Variants in TTC27 observed in about 807,000 individuals in gnomAD.
TTC27 encodes the protein tetratricopeptide repeat protein 27.
In TTC27, 79 loss-of-function variants were observed where a neutral mutation model predicts 115.9. The observed-to-expected ratio is 0.68, with a 90% CI of 0.57 to 0.82. The LOEUF is 0.82. TTC27 is among the 40% of genes least tolerant of loss of function. TTC27 has a pLI of 0.00. For missense variants in TTC27, 1,054 were observed against 993.1 expected (o/e 1.06, Z -0.82); for synonymous variants, 401 against 356.0 (o/e 1.13, Z -1.42).
intron 12 of TTC27, among the ~76,000 whole-genome samples, chr2:32,756,536 C>G (rs1669238497): frequency 2.0e-5 from 3 of 152,174 alleles, no homozygotes; most frequent in African/African-American, 7.2e-5. Flanking sequence ...ACAACCTGAA[C>G]TATATCAGAA....
intron 5 of TTC27, among the ~76,000 whole-genome samples, chr2:32,652,261 C>T (rs1280230540): frequency 1.3e-5 from 2 of 152,092 alleles, no homozygotes; most frequent in Non-Finnish European, 2.9e-5. Context: ...ATCTCAGCTA[C>T]TCAGGAGGCT....
chr2:32,790,096 TTTATC>T (rs1389493390), intron 16 of TTC27, among the ~76,000 whole-genome samples: 1 of 151,978 alleles, frequency 6.6e-6, no homozygotes, highest in Non-Finnish European at 1.5e-5. Context: ...TGATTTAACT[TTTATC>T]TTAAGTAGAT....
chr2:32,647,512 A>G lies in TTC27; in HGVS notation c.538-2619A>G, dbSNP rs535987638. On this transcript the variant is annotated intron_variant, in intron 4 of 19. Transcript: ENST00000317907. The stretch of plus-strand genomic sequence containing the variant: ...ATATTTCCTTACATGGACTGAGGAA[A>G]CAGTATTAATTTGAAAGGATTTTGT... Among the ~76,000 whole-genome samples the G allele has an allele frequency of 2.0e-5, 3 of 152,342 alleles. No individual in the cohort carries two copies. The East Asian group carries it at 5.8e-4, about 29-fold the overall frequency.
At chr2:32,654,753 T>C (rs1316501736) in intron 5 of TTC27, among the ~76,000 whole-genome samples, 2 of 151,494 alleles carry the variant, frequency 1.3e-5, no homozygotes, top group Admixed American at 6.6e-5. Flanking sequence ...TGGAGTGTAA[T>C]GGCGTGATCT....
intron 12 of TTC27, among the ~76,000 whole-genome samples, chr2:32,752,757 A>C (rs967806421): frequency 6.6e-5 from 10 of 152,174 alleles, no homozygotes; most frequent in African/African-American, 1.9e-4. Flanking sequence ...CTGGTACAGG[A>C]AACTTAGTAG....
chr2:32,808,760 T>G (rs1671221005), intron 16 of TTC27, among the ~76,000 whole-genome samples: 1 of 152,226 alleles, frequency 6.6e-6, no homozygotes, highest in Non-Finnish European at 1.5e-5. Flanking sequence ...GATAGGATGT[T>G]GAGCCAACTG....
intron 17 of TTC27, among the ~76,000 whole-genome samples, chr2:32,812,112 G>T (rs1052652513): frequency 2.6e-5 from 4 of 152,198 alleles, no homozygotes; most frequent in African/African-American, 9.7e-5. Flanking sequence ...GAAAGAGGGT[G>T]CATTAAACAT....
chr2:32,782,644 A>G lies in TTC27; in HGVS notation c.1798A>G (p.Asn600Asp), dbSNP rs772706098. ...LEPDNAEAWN[N>D]LSTSYIRLKQ... ...ATTTCAGAATGCTGAAGCTTGGAAC[A>G]ATTTGTCAACTTCCTATATCCGATT... The change falls in exon 15 of 20, where the codon AAT becomes GAT. Residue 600 changes from asparagine to aspartate, a missense_variant. Physicochemically the swap from Asn to Asp is conservative, Grantham distance 23 (BLOSUM62 1). Coordinates refer to ENST00000317907, the MANE Select transcript of TTC27 (RefSeq NM_017735.5). 1.9e-6 allele frequency: 3 copies of G among 1,611,970 alleles called. No homozygotes were observed. Among genetic ancestry groups the G allele is most frequent in the Admixed American group, 1.7e-5 (1 of 59,926 alleles).
chr2:32,739,085 G>A (rs560537851), intron 12 of TTC27, among the ~76,000 whole-genome samples: 1 of 152,084 alleles, frequency 6.6e-6, no homozygotes, highest in Non-Finnish European at 1.5e-5. Flanking sequence ...TTTCTTCAGC[G>A]ACTTAAATAT....
At chr2:32,761,833 G>T (rs1211151976) in intron 13 of TTC27, among the ~76,000 whole-genome samples, 2 of 152,066 alleles carry the variant, frequency 1.3e-5, no homozygotes, top group Admixed American at 6.5e-5. Flanking sequence ...TCACTAGAAT[G>T]TAAGGCCTAT....
intron 16 of TTC27, 73 bp from the exon 17 acceptor site, chr2:32,810,951 G>A: frequency 6.8e-7 from 1 of 1,480,624 alleles, no homozygotes; most frequent in Non-Finnish European, 9.4e-7. Flanking sequence ...CTTTGATGAT[G>A]GTGAGATAGC....
At chr2:32,632,932 AG>A (rs1219462662) in intron 2 of TTC27, among the ~76,000 whole-genome samples, 1 of 152,210 alleles carries the variant, frequency 6.6e-6, no homozygotes, top group Non-Finnish European at 1.5e-5. Flanking sequence ...TGATATGCAA[AG>A]CCTAAAATAT....
At chr2:32,807,543 C>T (rs62133905) in intron 16 of TTC27, among the ~76,000 whole-genome samples, 34,453 of 152,152 alleles carry the variant, frequency 0.23, 4,089 homozygotes, top group African/African-American at 0.28. Context: ...CCTAATATAT[C>T]TATTTTAACA....
intron 18 of TTC27, among the ~76,000 whole-genome samples, chr2:32,813,022 A>G (rs567309167): frequency 6.6e-6 from 1 of 152,358 alleles, no homozygotes; most frequent in South Asian, 2.1e-4. Flanking sequence ...TGTAGCATAT[A>G]CAAAAGAAAT....
At chr2:32,639,469 C>G (rs1333921240) in intron 3 of TTC27, among the ~76,000 whole-genome samples, 1 of 151,962 alleles carries the variant, frequency 6.6e-6, no homozygotes, top group East Asian at 1.9e-4. Context: ...TGCATGAGAC[C>G]TTGTTGATTG....
At chr2:32,742,525 A>G (rs2151919553) in intron 12 of TTC27, among the ~76,000 whole-genome samples, 1 of 152,370 alleles carries the variant, frequency 6.6e-6, no homozygotes, top group East Asian at 1.9e-4. Context: ...AGTAAGTAGG[A>G]GTAGACACCA....
chr2:32,792,042 C>T (rs114456441), intron 16 of TTC27, among the ~76,000 whole-genome samples: 3,027 of 152,322 alleles, frequency 0.02, 102 homozygotes, highest in African/African-American at 0.07. Context: ...CTCTTTCCCC[C>T]ATGAGGCAAC....
chr2:32,787,541 T>C (rs1670390563), intron 16 of TTC27, among the ~76,000 whole-genome samples: 1 of 152,224 alleles, frequency 6.6e-6, no homozygotes, highest in Non-Finnish European at 1.5e-5. Context: ...ATTTACTGCA[T>C]ACCTTCAGAT....
chr2:32,660,498 C>A (rs560394596), intron 5 of TTC27, among the ~76,000 whole-genome samples: 37 of 151,514 alleles, frequency 2.4e-4, no homozygotes, highest in Non-Finnish European at 2.9e-4. Flanking sequence ...AACACAGGAA[C>A]AGAAAACCGA....
Sources: gnomAD v4.1 joint callset for allele counts (sites outside exome capture counted in the v4.1 genomes callset) on GRCh38, gnomAD v4.1.1 for gene constraint, MANE v1.5 for transcripts, NCBI Gene and HGNC (gene_info 2026-07-23, HGNC 2026-07-21) for gene names.